MTMR6: variants seen among roughly 807,000 people sequenced by gnomAD.
MTMR6 encodes myotubularin related protein 6, also known as phosphatidylinositol-3,5-bisphosphate 3-phosphatase MTMR6.
MTMR6 carries 47 observed loss-of-function variants against 80.1 expected under a neutral mutation model. That is an observed-to-expected ratio of 0.59 (90% CI 0.46 to 0.75). The LOEUF (loss-of-function observed/expected upper bound fraction) is 0.75, where lower values mean the gene tolerates loss of function less well. MTMR6 is among the 30% of genes least tolerant of loss of function. The pLI is 0.00. For synonymous variants in MTMR6, 254 were observed against 253.0 expected (o/e 1.00, Z -0.04); for missense variants, 629 against 730.9 (o/e 0.86, Z 1.61).
chr13:25,279,246 G>T (rs1957791449), intron 1 of MTMR6, among the ~76,000 whole-genome samples: 1 of 152,108 alleles, frequency 6.6e-6, no homozygotes, highest in Non-Finnish European at 1.5e-5. Context: ...TTTCCCCCAT[G>T]CTGTTCTCTC....
chr13:25,257,090 C>A, intron 9 of MTMR6, 106 bp downstream of exon 9: 2 of 1,204,876 alleles, frequency 1.7e-6, no homozygotes, highest in Non-Finnish European at 1.1e-6. Context: ...CCAGTCTCAT[C>A]ATTTCCTTTA....
intron 2 of MTMR6, among the ~76,000 whole-genome samples, chr13:25,273,435 A>G (rs1301915803): frequency 6.6e-6 from 1 of 152,162 alleles, no homozygotes; most frequent in African/African-American, 2.4e-5. Flanking sequence ...AAATTTGTAT[A>G]AAAACACTGT....
In MTMR6 at chr13:25,266,168, G is replaced by A. The variant is rs754060094; in HGVS notation, c.423C>T (p.Asn141=). Residue 141 remains asparagine (N), a synonymous_variant, in exon 4 of 14, where the codon AAC becomes AAT. Coordinates refer to ENST00000381801, the MANE Select transcript of MTMR6 (RefSeq NM_004685.5). ...AEEYKRMGVP[N]SHWQLSDANR... ...TGGCATCAGACAACTGCCAGTGTGA[G>A]TTTGGCACTCCCATCCTCTTATATT... 7 of 1,613,928 alleles carry A rather than the reference G, an allele frequency of 4.3e-6. No individual in the cohort carries two copies. Among genetic ancestry groups the A allele is most frequent in the Non-Finnish European group, 5.1e-6 (6 of 1,180,004 alleles).
chr13:25,275,007 C>CACACACA (rs60576394), intron 1 of MTMR6, among the ~76,000 whole-genome samples: 3 of 149,618 alleles, frequency 2.0e-5, no homozygotes, highest in Non-Finnish European at 4.4e-5. Context: ...CACACACACA[C>CACACACA]TATGTTGCTG....
chr13:25,282,751 G>T lies in MTMR6; in HGVS notation c.24+4473C>A, dbSNP rs549481275. 7.1e-4 allele frequency among the ~76,000 whole-genome samples: 108 copies of T among 151,510 alleles called. 2 individuals are homozygous for T. The highest frequency in any genetic ancestry group is 7.4e-5 in the Non-Finnish European group (5 of 67,892). On this transcript the variant is annotated intron_variant, in intron 1 of 13. Coordinates refer to ENST00000381801, the MANE Select transcript of MTMR6 (RefSeq NM_004685.5). ...CACCCAAGTAGCTGGGATTACAGGTGCCCGCCACCATGCCCAGCTAATTTT... is the reference window on the plus strand; with the variant it reads ...CACCCAAGTAGCTGGGATTACAGGTTCCCGCCACCATGCCCAGCTAATTTT...
At chr13:25,269,528 A>G (rs1957524074) in intron 2 of MTMR6, among the ~76,000 whole-genome samples, 1 of 152,168 alleles carries the variant, frequency 6.6e-6, no homozygotes, top group African/African-American at 2.4e-5. Context: ...ATAAAAGATC[A>G]TAGGCTCCTA....
intron 1 of MTMR6, among the ~76,000 whole-genome samples, chr13:25,282,606 TTTTTC>T (rs1231814278): frequency 6.4e-5 from 9 of 141,000 alleles, no homozygotes; most frequent in African/African-American, 2.3e-4. Context: ...TCTTTTTTCT[TTTTTC>T]TTTTTTTTTT....
intron 2 of MTMR6, among the ~76,000 whole-genome samples, chr13:25,269,641 TTA>T (rs1472479734): frequency 6.6e-6 from 1 of 152,004 alleles, no homozygotes; most frequent in African/African-American, 2.4e-5. Flanking sequence ...GGATGATTAT[TTA>T]TATAATACAC....
rs7984735 is a variant in MTMR6, at chr13:25,269,042, G to A, written c.142-1101C>T. On this transcript the variant is annotated intron_variant, in intron 2 of 13. Coordinates refer to ENST00000381801, the MANE Select transcript of MTMR6 (RefSeq NM_004685.5). Reference sequence around the variant, plus strand: ...AGCTGGGTGTGCATGTGCTTGGGGCGGTACTGACACACCAGCCCCTAGCTG... The same window carrying A: ...AGCTGGGTGTGCATGTGCTTGGGGCAGTACTGACACACCAGCCCCTAGCTG... 4.5e-3 allele frequency among the ~76,000 whole-genome samples: 690 copies of A among 152,226 alleles called. 3 individuals carry two copies. The highest frequency in any genetic ancestry group is 0.016 in the African/African-American group (654 of 41,524).
chr13:25,260,171 CT>C (rs1236544021), intron 6 of MTMR6, among the ~76,000 whole-genome samples: 312 of 138,342 alleles, frequency 2.3e-3, no homozygotes, highest in South Asian at 3.4e-3. Flanking sequence ...CCAGATAATT[CT>C]TTTTTTTTTT....
At chr13:25,284,227 A>G (rs1957913976) in intron 1 of MTMR6, among the ~76,000 whole-genome samples, 1 of 152,170 alleles carries the variant, frequency 6.6e-6, no homozygotes, top group African/African-American at 2.4e-5. Context: ...GATTAAAACT[A>G]GAGAGGCACT....
intron 11 of MTMR6, 139 bp downstream of exon 11, chr13:25,253,625 G>T: frequency 1.3e-6 from 1 of 756,568 alleles, no homozygotes; most frequent in Non-Finnish European, 2.1e-6. Context: ...AGGGTACTCA[G>T]CTTTAGAAAT....
At chr13:25,277,553 T>G (rs1038552818) in intron 1 of MTMR6, among the ~76,000 whole-genome samples, 1 of 152,238 alleles carries the variant, frequency 6.6e-6, no homozygotes, top group Non-Finnish European at 1.5e-5. Flanking sequence ...TTTGATTTAT[T>G]AAATAAGATT....
rs950025564 is a variant in MTMR6, at chr13:25,247,496, A to G, written c.*1736T>C. On this transcript the variant is annotated 3_prime_UTR_variant, in exon 14 of 14. Coordinates refer to ENST00000381801, the MANE Select transcript of MTMR6 (RefSeq NM_004685.5). Reference sequence around the variant, plus strand: ...CTGAAGTTGAAGATTAAGATAATAAACCAGAGTTGAATACAAGAAGTCAGC... The same window carrying G: ...CTGAAGTTGAAGATTAAGATAATAAGCCAGAGTTGAATACAAGAAGTCAGC... 6 of 152,450 alleles carry G rather than the reference A, an allele frequency of 3.9e-5. No individual in the cohort carries two copies. Among genetic ancestry groups the G allele is most frequent in the Admixed American group, 2.6e-4 (4 of 15,286 alleles). The allele number at this position is 152,450 out of a possible 1,614,324, so 9.4% of individuals were successfully genotyped here.
At chr13:25,283,286 T>G (rs1182052211) in intron 1 of MTMR6, among the ~76,000 whole-genome samples, 2 of 152,230 alleles carry the variant, frequency 1.3e-5, no homozygotes, top group Non-Finnish European at 2.9e-5. Context: ...TAGAACTAAC[T>G]GTGTGAGCCA....
chr13:25,261,843 C>T (rs1194009983), intron 5 of MTMR6, 41 bp from the exon 6 acceptor site: 1 of 1,534,958 alleles, frequency 6.5e-7, no homozygotes, highest in South Asian at 1.3e-5. Flanking sequence ...GCAAAGATCT[C>T]TAAAATGTCT....
intron 6 of MTMR6, among the ~76,000 whole-genome samples, chr13:25,259,631 C>T (rs1306409038): frequency 6.6e-6 from 1 of 151,386 alleles, no homozygotes; most frequent in African/African-American, 2.4e-5. Flanking sequence ...GTAAAACAAT[C>T]AAAGAATGAT....
At chr13:25,254,739 T>A (rs1049398410) in intron 9 of MTMR6, among the ~76,000 whole-genome samples, 5 of 152,176 alleles carry the variant, frequency 3.3e-5, no homozygotes, top group African/African-American at 1.2e-4. Context: ...TTTGTATGTA[T>A]GAAGATGATA....
At position 25,247,371 on chromosome 13, in the gene MTMR6, T is replaced by C. The variant is rs921985605; in HGVS notation, c.*1861A>G. The C allele has an allele frequency of 5.2e-5, 8 of 152,796 alleles. No individual in the cohort carries two copies. The highest frequency in any genetic ancestry group is 3.4e-3 in the Middle Eastern group (1 of 294). 9.5% of individuals were successfully genotyped at this position (152,796 alleles called of 1,614,324 possible). Reference sequence around the variant, plus strand: ...AACATAAATTCAACTTTATAAGACATATACACAGTCTGCTTTTGCCAACAT... The same window carrying C: ...AACATAAATTCAACTTTATAAGACACATACACAGTCTGCTTTTGCCAACAT... On this transcript the variant is annotated 3_prime_UTR_variant, in exon 14 of 14. Coordinates refer to ENST00000381801, the MANE Select transcript of MTMR6 (RefSeq NM_004685.5).
Sources: allele counts gnomAD v4.1 joint callset (sites outside exome capture counted in the v4.1 genomes callset), GRCh38; gene constraint gnomAD v4.1.1; transcripts MANE v1.5; gene names NCBI Gene and HGNC (gene_info 2026-07-23, HGNC 2026-07-21).